The following MMRN1 variants were observed in gnomAD, a reference collection of about 807,000 sequenced individuals.
MMRN1 encodes the protein multimerin-1.
In MMRN1, 94 loss-of-function variants were observed where a neutral mutation model predicts 100.7. The observed-to-expected ratio is 0.93, with a 90% confidence interval of 0.79 to 1.11. MMRN1 has a LOEUF of 1.11. MMRN1 is among the 50% of genes least tolerant of loss of function. The probability of loss-of-function intolerance (pLI) is 0.00; values close to 1 mark genes in which losing one functional copy is unlikely to be tolerated. For synonymous variants in MMRN1, 575 were observed against 505.0 expected, an observed-to-expected ratio of 1.14 and a Z score of -1.86; for missense variants, 1,606 against 1,439.1, an observed-to-expected ratio of 1.12 and a Z score of -1.88.
intron 1 of MMRN1, among the ~76,000 whole-genome samples, chr4:89,906,285 T>C (rs1721562142): frequency 6.6e-6 from 1 of 151,622 alleles, no homozygotes; most frequent in Admixed American, 6.6e-5. Flanking sequence ...TCCTTTCCCC[T>C]CTCTATTTTA....
intron 3 of MMRN1, among the ~76,000 whole-genome samples, chr4:89,913,107 A>C (rs115962972): frequency 6.6e-6 from 1 of 151,306 alleles, no homozygotes; most frequent in Non-Finnish European, 1.5e-5. Context: ...CATATTTTAA[A>C]AAGACCCAAA....
At chr4:89,931,988 A>G (rs545732022) in intron 5 of MMRN1, among the ~76,000 whole-genome samples, 1 of 152,320 alleles carries the variant, frequency 6.6e-6, no homozygotes. Context: ...CATTAACTCA[A>G]GAGTCCACAG....
chr4:89,938,463 G>C (rs1226942555), intron 6 of MMRN1, among the ~76,000 whole-genome samples: 2 of 124,940 alleles, frequency 1.6e-5, no homozygotes, highest in Non-Finnish European at 3.3e-5. Flanking sequence ...GGCAAGCTAT[G>C]TCATTTTTTA....
intron 1 of MMRN1, among the ~76,000 whole-genome samples, chr4:89,889,473 T>C (rs2110573516): frequency 6.6e-6 from 1 of 152,242 alleles, no homozygotes; most frequent in South Asian, 2.1e-4. Context: ...TGCTTATCCC[T>C]GAGTAGTAGG....
At chr4:89,943,944 T>C (rs1056591329) in intron 6 of MMRN1, among the ~76,000 whole-genome samples, 1 of 151,272 alleles carries the variant, frequency 6.6e-6, no homozygotes, top group East Asian at 1.9e-4. Flanking sequence ...ATCATGCCAC[T>C]GCACTCCAGC....
At chr4:89,916,561 T>G (rs1000569269) in intron 3 of MMRN1, among the ~76,000 whole-genome samples, 3 of 151,624 alleles carry the variant, frequency 2.0e-5, no homozygotes, top group African/African-American at 7.3e-5. Flanking sequence ...TTTTTCTCAT[T>G]TTATATATAT....
intron 1 of MMRN1, among the ~76,000 whole-genome samples, chr4:89,880,300 A>T (rs1217584180): frequency 6.6e-6 from 1 of 152,176 alleles, no homozygotes; most frequent in Non-Finnish European, 1.5e-5. Context: ...GCTTGTTAAA[A>T]TGGGGATTCT....
At chr4:89,928,099 T>A (rs1286179296) in intron 5 of MMRN1, 131 bp downstream of exon 5, 3 of 621,422 alleles carry the variant, frequency 4.8e-6, no homozygotes, top group Non-Finnish European at 7.9e-6. Context: ...AGATTTTTTT[T>A]AATGAGATAT....
chr4:89,899,106 A>C (rs1721301717), intron 1 of MMRN1, among the ~76,000 whole-genome samples: 1 of 152,056 alleles, frequency 6.6e-6, no homozygotes, highest in Non-Finnish European at 1.5e-5. Context: ...TTGGAATTTT[A>C]TAATAATTCT....
Position 89,927,948 on chromosome 4 carries a change from A to G in MMRN1, c.1109A>G (p.Glu370Gly). Residue 370 changes from glutamate (E) to glycine (G), a missense_variant, in exon 5 of 8, where the codon GAA (glutamate) becomes GGA (glycine). Coordinates refer to ENST00000264790, the MANE Select transcript of MMRN1 (RefSeq NM_007351.3). ...AAAGTCAGCGAAGATAAAAGCAGAGAATTTCAATCTCTTCTAAAAGGTAAA... is the reference window on the plus strand; with the variant it reads ...AAAGTCAGCGAAGATAAAAGCAGAGGATTTCAATCTCTTCTAAAAGGTAAA... ...EGKVSEDKSR[E>G]FQSLLKGLKS... 1 of 1,596,750 alleles carries G rather than the reference A, an allele frequency of 6.3e-7. No individual in the cohort carries two copies. Among genetic ancestry groups the G allele is most frequent in the Non-Finnish European group, 8.5e-7 (1 of 1,173,084 alleles).
At chr4:89,942,742 C>G (rs998277926) in intron 6 of MMRN1, among the ~76,000 whole-genome samples, 1 of 151,774 alleles carries the variant, frequency 6.6e-6, no homozygotes, top group Non-Finnish European at 1.5e-5. Context: ...ACCCTAAAAT[C>G]AAATTACCAG....
intron 6 of MMRN1, among the ~76,000 whole-genome samples, chr4:89,943,754 C>T (rs1318455769): frequency 1.3e-5 from 2 of 152,132 alleles, no homozygotes; most frequent in African/African-American, 4.8e-5. Context: ...CTTTGGGAGG[C>T]TAAGGTGTGC....
chr4:89,917,155 C>T (rs187932514), intron 3 of MMRN1, among the ~76,000 whole-genome samples: 138 of 151,614 alleles, frequency 9.1e-4, no homozygotes, highest in African/African-American at 3.1e-3. Flanking sequence ...CCTTGTTTCC[C>T]CAGTCTTTGA....
intron 6 of MMRN1, 81 bp downstream of exon 6, chr4:89,936,879 C>A: frequency 7.8e-7 from 1 of 1,280,750 alleles, no homozygotes; most frequent in Non-Finnish European, 1.0e-6. Flanking sequence ...TTGAGCAAGA[C>A]CATTAAACAT....
rs200480884 is a variant in MMRN1, at chr4:89,895,301, C to T, written c.330C>T (p.Val110=). 1.2e-6 allele frequency: 2 copies of T among 1,613,372 alleles called. No homozygotes were observed. The highest frequency in any genetic ancestry group is 1.3e-5 in the African/African-American group (1 of 74,992). ...CCACAGAGAAAGCAGAAGGAGTGGT[C>T]AAGTTACAGAATCTTACCCTCCCAA... The part of the protein sequence containing the change: ...LTSTEKAEGV[V]KLQNLTLPTN... The change falls in exon 1 of 8, where the codon GTC becomes GTT. Residue 110 remains valine (V), a synonymous_variant. Transcript: ENST00000264790.
chr4:89,921,482 A>T (rs1722086606), intron 3 of MMRN1, among the ~76,000 whole-genome samples: 1 of 152,106 alleles, frequency 6.6e-6, no homozygotes, highest in African/African-American at 2.4e-5. Flanking sequence ...GAATCGTGAT[A>T]AAAATTTATG....
At chr4:89,899,301 T>C (rs530934500) in intron 1 of MMRN1, among the ~76,000 whole-genome samples, 2 of 152,178 alleles carry the variant, frequency 1.3e-5, no homozygotes, top group African/African-American at 4.8e-5. Context: ...GACCAAGCAC[T>C]TTGAAATAGG....
Position 89,936,735 on chromosome 4 carries a change from G to A in MMRN1, c.3055G>A (p.Val1019Ile). 1 of 1,612,982 alleles carries A rather than the reference G, an allele frequency of 6.2e-7. No individual in the cohort carries two copies. Among genetic ancestry groups the A allele is most frequent in the Non-Finnish European group, 8.5e-7 (1 of 1,179,492 alleles). ...KKINALKKPT[V>I]NLTTVLIGRT... ...AATTAACGCACTTAAGAAACCAACG[G>A]TAAATCTTACCACAGTCCTGATAGG... Residue 1019 changes from valine to isoleucine, a missense_variant, in exon 6 of 8, where the codon GTA becomes ATA. Physicochemically the swap from Val to Ile is conservative, Grantham distance 29. Transcript: ENST00000264790.
chr4:89,933,543 A>G (rs1376889627), intron 5 of MMRN1, among the ~76,000 whole-genome samples: 1 of 152,202 alleles, frequency 6.6e-6, no homozygotes, highest in African/African-American at 2.4e-5. Flanking sequence ...ATGGACTCAC[A>G]GTTCCACATG....
Sources: allele counts gnomAD v4.1 joint callset (sites outside exome capture counted in the v4.1 genomes callset), GRCh38; gene constraint gnomAD v4.1.1; transcripts MANE v1.5; gene names NCBI Gene and HGNC (gene_info 2026-07-23, HGNC 2026-07-21).